SGCD: variants seen among roughly 807,000 people sequenced by gnomAD.
SGCD encodes delta-sarcoglycan.
Under a neutral mutation model 36.6 loss-of-function variants are expected in SGCD, and 18 were observed. That is an observed-to-expected ratio of 0.49 (90% CI 0.34 to 0.73). SGCD has a LOEUF of 0.73. Among genes scored for constraint, SGCD ranks in the 30% least tolerant of loss-of-function variants. The pLI, the probability that SGCD is intolerant of heterozygous loss-of-function variation, is 0.01. For missense variants in SGCD, 387 were observed against 346.7 expected (o/e 1.12, Z -0.92); for synonymous variants, 133 against 130.6 (o/e 1.02, Z -0.12).
At chr5:156,178,835 G>A (rs1011762327) in intron 3 of SGCD, among the ~76,000 whole-genome samples, 9 of 152,084 alleles carry the variant, frequency 5.9e-5, no homozygotes, top group Non-Finnish European at 8.8e-5. Context: ...GAAAGTGCTG[G>A]GATTACAGGT....
At chr5:155,835,755 C>T in the SGCD span, among the ~76,000 whole-genome samples, 3 of 152,124 alleles carry the variant, frequency 2.0e-5, no homozygotes, top group Non-Finnish European at 4.4e-5. Flanking sequence ...ACTAGCAGTT[C>T]TACTTTTCAT....
At chr5:156,251,417 C>A (rs1765574359) in intron 3 of SGCD, among the ~76,000 whole-genome samples, 1 of 152,120 alleles carries the variant, frequency 6.6e-6, no homozygotes, top group Non-Finnish European at 1.5e-5. Context: ...TTTCCAGACC[C>A]TTTCCTGTGG....
intron 2 of SGCD, 123 bp downstream of exon 2, chr5:156,329,702 T>C: frequency 2.3e-6 from 2 of 877,604 alleles, no homozygotes; most frequent in Non-Finnish European, 3.4e-6. Flanking sequence ...AAGACATTTC[T>C]TTAATTTTAC....
intron 1 of SGCD, among the ~76,000 whole-genome samples, chr5:156,052,393 G>A (rs923565855): frequency 6.8e-6 from 1 of 146,378 alleles, no homozygotes; most frequent in Non-Finnish European, 1.5e-5. Flanking sequence ...AGGCTTTGTA[G>A]GTCATGAGAA....
In SGCD at chr5:156,113,968, T is replaced by C. The variant is rs1379629887; in HGVS notation, c.-281-3910T>C. On this transcript the variant is annotated intron_variant, in intron 1 of 9. Transcript: ENST00000517913. ...GGCTTTCTGGAAAAGAAAAAAACTT[T>C]GGAGATGGTAGTTGCTAGGGGCTTG... Among the ~76,000 whole-genome samples the C allele has an allele frequency of 8.5e-4, 130 of 152,132 alleles. 2 individuals carry two copies. The highest frequency in any genetic ancestry group is 1.5e-4 in the Non-Finnish European group (10 of 67,966).
chr5:155,742,505 A>G, the SGCD span, among the ~76,000 whole-genome samples: 8 of 152,222 alleles, frequency 5.3e-5, no homozygotes, highest in Non-Finnish European at 1.2e-4. Flanking sequence ...GATGATAGAG[A>G]CAATGAACCC....
intron 7 of SGCD, among the ~76,000 whole-genome samples, chr5:156,689,058 G>A (rs1466489503): frequency 1.3e-5 from 2 of 152,084 alleles, no homozygotes; most frequent in African/African-American, 4.8e-5. Flanking sequence ...ATTTTAAAAA[G>A]ACAAAAAGAC....
chr5:156,683,893 G>C (rs1753811465), intron 7 of SGCD, among the ~76,000 whole-genome samples: 1 of 152,098 alleles, frequency 6.6e-6, no homozygotes, highest in African/African-American at 2.4e-5. Flanking sequence ...CTAATTCAAG[G>C]GAAACTTTCA....
intron 1 of SGCD, among the ~76,000 whole-genome samples, chr5:156,020,780 T>G (rs1410630526): frequency 6.6e-6 from 1 of 151,670 alleles, no homozygotes; most frequent in Non-Finnish European, 1.5e-5. Flanking sequence ...CTTACAAGTG[T>G]TTCTCATTTA....
intron 7 of SGCD, among the ~76,000 whole-genome samples, chr5:156,718,455 C>A (rs1321212121): frequency 6.6e-6 from 1 of 151,946 alleles, no homozygotes; most frequent in Non-Finnish European, 1.5e-5. Context: ...GGTGTTTCTT[C>A]TCAATGTGCT....
At chr5:156,305,322 CA>C (rs1488916736) in intron 3 of SGCD, among the ~76,000 whole-genome samples, 2 of 152,162 alleles carry the variant, frequency 1.3e-5, no homozygotes, top group Non-Finnish European at 2.9e-5. Context: ...GCATCCCAGT[CA>C]CTCCAGCCAT....
At chr5:155,879,233 T>A (rs1755828142) in intron 1 of SGCD, among the ~76,000 whole-genome samples, 1 of 152,150 alleles carries the variant, frequency 6.6e-6, no homozygotes, top group Non-Finnish European at 1.5e-5. Flanking sequence ...ATTTCAAAGT[T>A]AAAACTCATG....
intron 3 of SGCD, among the ~76,000 whole-genome samples, chr5:156,132,316 A>C (rs1762343696): frequency 6.6e-6 from 1 of 151,758 alleles, no homozygotes. Flanking sequence ...TTATCAGTGA[A>C]TCTTATGCTG....
chr5:156,325,281 A>G (rs1767777209), upstream of SGCD, among the ~76,000 whole-genome samples: 1 of 151,940 alleles, frequency 6.6e-6, no homozygotes, highest in African/African-American at 2.4e-5. Context: ...TAGCCACTCA[A>G]ATACTTTATT....
rs150430862 is a variant in SGCD at position 156,522,377 on chromosome 5, A to C, written c.294+13675A>C. Among the ~76,000 whole-genome samples the C allele has an allele frequency of 2.2e-3, 337 of 152,312 alleles. 1 individual carries two copies. The highest frequency in any genetic ancestry group is 7.7e-3 in the African/African-American group (318 of 41,568). On this transcript the variant is annotated intron_variant, in intron 4 of 8. Transcript: ENST00000337851. ...GATACTAAAAAAGAAAATGTGGTAC[A>C]TATACACCATGAAGTACTATGCAGC... is the stretch of plus-strand genomic sequence containing the variant.
chr5:156,308,425 A>T (rs1323624558), intron 3 of SGCD, among the ~76,000 whole-genome samples: 1 of 151,864 alleles, frequency 6.6e-6, no homozygotes, highest in Non-Finnish European at 1.5e-5. Flanking sequence ...CAGCCTCCCG[A>T]GTAGCTGGGA....
chr5:155,882,385 G>A (rs1033674806), intron 1 of SGCD, among the ~76,000 whole-genome samples: 31 of 152,096 alleles, frequency 2.0e-4, no homozygotes, highest in Admixed American at 1.1e-3. Context: ...GGCCACAAAT[G>A]TTCCTAATGA....
chr5:156,474,019 A>G (rs565084449), intron 3 of SGCD, among the ~76,000 whole-genome samples: 1 of 151,226 alleles, frequency 6.6e-6, no homozygotes, highest in East Asian at 1.9e-4. Context: ...AAAGGATCCT[A>G]AATTAAAAGA....
chr5:156,463,215 A>AT (rs1019735589), intron 3 of SGCD, among the ~76,000 whole-genome samples: 3 of 151,516 alleles, frequency 2.0e-5, no homozygotes, highest in South Asian at 2.1e-4. Context: ...AATTTTTTGT[A>AT]TTTTTTTTAG....
Sources: allele counts gnomAD v4.1 joint callset (sites outside exome capture counted in the v4.1 genomes callset), GRCh38; gene constraint gnomAD v4.1.1; transcripts MANE v1.5; gene names NCBI Gene and HGNC (gene_info 2026-07-23, HGNC 2026-07-21).